The following ANGPT2 variants were observed in gnomAD, a reference collection of about 807,000 sequenced individuals.
ANGPT2 encodes the protein angiopoietin-2.
In ANGPT2, 28 loss-of-function variants were observed where a neutral mutation model predicts 62.9. That is an observed-to-expected ratio of 0.44 (90% CI 0.33 to 0.61). The LOEUF is 0.61. Ranked by LOEUF, ANGPT2 falls within the 20% of genes least tolerant of loss-of-function variation. The probability of loss-of-function intolerance (pLI) is 0.03; values close to 1 mark genes in which losing one functional copy is unlikely to be tolerated. For missense variants in ANGPT2, 727 were observed against 594.9 expected (o/e 1.22, Z -2.31); for synonymous variants, 284 against 207.8 (o/e 1.37, Z -3.15).
intron 1 of ANGPT2, among the ~76,000 whole-genome samples, chr8:6,551,156 G>T (rs937959898): frequency 6.6e-6 from 1 of 152,142 alleles, no homozygotes; most frequent in Non-Finnish European, 1.5e-5. Context: ...GCTGACTTAG[G>T]ATTTTAAATC....
At chr8:6,526,831 T>C (rs1207977243) in intron 3 of ANGPT2, among the ~76,000 whole-genome samples, 1 of 152,238 alleles carries the variant, frequency 6.6e-6, no homozygotes, top group Non-Finnish European at 1.5e-5. Flanking sequence ...TATCCTCTTT[T>C]GTCCCAAGTG....
rs780912588 is a variant in ANGPT2, at chr8:6,514,746, C to T, written c.960G>A (p.Gly320=). The T allele has an allele frequency of 1.2e-6, 2 of 1,614,034 alleles. No homozygotes were observed. The highest frequency in any genetic ancestry group is 1.7e-6 in the Non-Finnish European group (2 of 1,179,996). ...CCTCACGTCGCTGAATAATTGTCCACCCGCCTCCTCCAGCTTCCATGTCAC... is the reference window on the plus strand; with the variant it reads ...CCTCACGTCGCTGAATAATTGTCCATCCGCCTCCTCCAGCTTCCATGTCAC... ...AYCDMEAGGG[G]WTIIQRREDG... is the part of the protein sequence containing the mutation. The change falls in exon 6 of 9, where the codon GGG becomes GGA. Residue 320 remains glycine, a synonymous_variant. Transcript: ENST00000629816.
In ANGPT2 at chr8:6,501,534, C is replaced by G. The variant is rs1006071191; in HGVS notation, c.*1567G>C. On this transcript the variant is annotated 3_prime_UTR_variant, in exon 9 of 9. Transcript: ENST00000629816. The stretch of plus-strand genomic sequence containing the variant: ...GTAGTCCCGAGTATAAAGCTGTGTT[C>G]TCAAATTTTCTTTTCTTTCTTTTTT... 3 of 150,432 alleles carry G rather than the reference C, an allele frequency of 2.0e-5. No homozygotes were observed. Among genetic ancestry groups the G allele is most frequent in the Non-Finnish European group, 4.4e-5 (3 of 67,732 alleles). The allele number at this position is 150,432 out of a possible 1,614,324, so 9.3% of individuals were successfully genotyped here.
At chr8:6,532,296 G>A in intron 2 of ANGPT2, 36 bp downstream of exon 2, 1 of 1,613,344 alleles carries the variant, frequency 6.2e-7, no homozygotes, top group Non-Finnish European at 8.5e-7. Context: ...GTCTCTAGCT[G>A]CAGGGACACC....
intron 3 of ANGPT2, among the ~76,000 whole-genome samples, chr8:6,524,045 A>G (rs186825547): frequency 6.0e-4 from 92 of 152,348 alleles, no homozygotes; most frequent in African/African-American, 2.1e-3. Context: ...GCCAGTAAAT[A>G]AAGCTTTCAA....
At chr8:6,524,423 A>G (rs1270128515) in intron 3 of ANGPT2, among the ~76,000 whole-genome samples, 2 of 152,188 alleles carry the variant, frequency 1.3e-5, no homozygotes, top group African/African-American at 4.8e-5. Flanking sequence ...TGATAAAGAA[A>G]CCTTGAACCG....
chr8:6,508,657 G>C, intron 8 of ANGPT2: 1 of 588,008 alleles, frequency 1.7e-6, no homozygotes, highest in Non-Finnish European at 3.0e-6. Flanking sequence ...ACGCAGGAGA[G>C]CTTGCTAAGA....
Position 6,501,282 on chromosome 8 carries a change from T to C in ANGPT2, c.*1819A>G, listed in dbSNP as rs964186489. The C allele has an allele frequency of 1.4e-4, 22 of 152,114 alleles. 1 individual carries two copies. Among genetic ancestry groups the C allele is most frequent in the East Asian group, 1.9e-4 (1 of 5,198 alleles). 9.4% of individuals were successfully genotyped at this position (152,114 alleles called of 1,614,324 possible). On this transcript the variant is annotated 3_prime_UTR_variant, in exon 9 of 9. Coordinates refer to ENST00000629816, the MANE Select transcript of ANGPT2 (RefSeq NM_001118887.2). Reference sequence around the variant, plus strand: ...AGAAGTTGGGGTAAAATAAATTAGATTTTGAAATGGAATAAAGAAAAAATA... The same window carrying C: ...AGAAGTTGGGGTAAAATAAATTAGACTTTGAAATGGAATAAAGAAAAAATA...
chr8:6,551,021 C>T (rs996786832), intron 1 of ANGPT2, among the ~76,000 whole-genome samples: 3 of 152,188 alleles, frequency 2.0e-5, no homozygotes, highest in African/African-American at 7.2e-5. Flanking sequence ...TTGAAACCAA[C>T]AAGTGAAGGC....
intron 8 of ANGPT2, among the ~76,000 whole-genome samples, chr8:6,506,383 C>A (rs1201875471): frequency 6.6e-6 from 1 of 152,120 alleles, no homozygotes; most frequent in Non-Finnish European, 1.5e-5. Context: ...TTCCTCTCCC[C>A]AGTCTCTTTT....
rs1405460370 is a variant in ANGPT2 at position 6,502,203 on chromosome 8, G to A, written c.*898C>T. 1.3e-5 allele frequency: 2 copies of A among 152,066 alleles called. No homozygotes were observed. Among genetic ancestry groups the A allele is most frequent in the Non-Finnish European group, 2.9e-5 (2 of 68,008 alleles). 9.4% of individuals were successfully genotyped at this position (152,066 alleles called of 1,614,324 possible). Reference sequence around the variant, plus strand: ...TGTATAATTTTCCTCATCATTAAAAGTAAGAAGTTTCCTTATCACAAGGCA... The same window carrying A: ...TGTATAATTTTCCTCATCATTAAAAATAAGAAGTTTCCTTATCACAAGGCA... On this transcript the variant is annotated 3_prime_UTR_variant, in exon 9 of 9. Coordinates refer to ENST00000629816, the MANE Select transcript of ANGPT2 (RefSeq NM_001118887.2).
chr8:6,538,745 A>G (rs1033308928), intron 1 of ANGPT2, among the ~76,000 whole-genome samples: 4 of 152,202 alleles, frequency 2.6e-5, no homozygotes, highest in African/African-American at 9.7e-5. Context: ...TCCACAGACA[A>G]TAGGTTAATG....
At chr8:6,509,310 C>A (rs1418593596) in intron 7 of ANGPT2, among the ~76,000 whole-genome samples, 1 of 152,196 alleles carries the variant, frequency 6.6e-6, no homozygotes, top group Non-Finnish European at 1.5e-5. Context: ...CTATCAGAAG[C>A]GACTGTAGAG....
chr8:6,548,139 T>G (rs1822941822), intron 1 of ANGPT2, among the ~76,000 whole-genome samples: 1 of 152,052 alleles, frequency 6.6e-6, no homozygotes. Context: ...AAATTATGAG[T>G]AGTTGGTTCC....
At chr8:6,545,530 A>G (rs764291876) in intron 1 of ANGPT2, among the ~76,000 whole-genome samples, 6 of 152,222 alleles carry the variant, frequency 3.9e-5, no homozygotes, top group Non-Finnish European at 7.3e-5. Context: ...TAAAGTAACT[A>G]TCTTAGAGAA....
chr8:6,515,591 G>C (rs1816109171), intron 5 of ANGPT2, among the ~76,000 whole-genome samples: 1 of 152,070 alleles, frequency 6.6e-6, no homozygotes, highest in Non-Finnish European at 1.5e-5. Context: ...TTTCAACTCA[G>C]CTGGAGTTTT....
intron 1 of ANGPT2, among the ~76,000 whole-genome samples, chr8:6,543,392 G>A (rs1283184305): frequency 6.6e-6 from 1 of 152,050 alleles, no homozygotes; most frequent in Admixed American, 6.6e-5. Context: ...CCTTCTCTCT[G>A]TGCTTTCCTG....
chr8:6,499,904 T>A lies in ANGPT2; in HGVS notation c.*3197A>T, dbSNP rs771694886. 31 of 1,613,628 alleles carry A rather than the reference T, an allele frequency of 1.9e-5. No individual in the cohort carries two copies. Among genetic ancestry groups the A allele is most frequent in the Non-Finnish European group, 2.5e-5 (30 of 1,179,988 alleles). Reference sequence around the variant, plus strand: ...TGGATTTCTGAGGAGCCGTTCGAACTGTCTCACCACTTCCCTGCAGCTCCC... The same window carrying A: ...TGGATTTCTGAGGAGCCGTTCGAACAGTCTCACCACTTCCCTGCAGCTCCC... On this transcript the variant is annotated 3_prime_UTR_variant, in exon 9 of 9. Coordinates refer to ENST00000629816, the MANE Select transcript of ANGPT2 (RefSeq NM_001118887.2).
intron 1 of ANGPT2, among the ~76,000 whole-genome samples, chr8:6,544,903 C>G (rs543648303): frequency 6.6e-6 from 1 of 152,132 alleles, no homozygotes; most frequent in South Asian, 2.1e-4. Context: ...ATTCTTTGGT[C>G]AGTAGTCTCA....
Sources: allele counts gnomAD v4.1 joint callset (sites outside exome capture counted in the v4.1 genomes callset), GRCh38; gene constraint gnomAD v4.1.1; transcripts MANE v1.5; gene names NCBI Gene and HGNC (gene_info 2026-07-23, HGNC 2026-07-21).